Variants in SPPL2C observed in about 807,000 individuals in gnomAD.
The protein encoded by SPPL2C is signal peptide peptidase like 2C, also known as signal peptide peptidase-like 2C.
A neutral mutation model predicts 38.8 loss-of-function variants in SPPL2C; 33 were observed. That is an observed-to-expected ratio of 0.85 (90% confidence interval 0.64 to 1.14). The LOEUF is 1.14. Ranked by LOEUF, SPPL2C falls within the 50% of genes most tolerant of loss-of-function variation. The pLI is 0.00. For missense variants in SPPL2C, 899 were observed against 904.4 expected (o/e 0.99, Z 0.08); for synonymous variants, 384 against 390.7 (o/e 0.98, Z 0.20).
Position 45,845,635 on chromosome 17 carries a change from T to C in SPPL2C, c.729T>C (p.Asp243=), listed in dbSNP as rs1487200966. The part of the protein sequence containing the change: ...AAAAEGAQKE[D]NEDIPVDFTP... ...CAGCTGAGGGAGCCCAGAAGGAAGA[T>C]AATGAGGACATCCCAGTGGACTTCA... The change falls in exon 1 of 1, where the codon GAT becomes GAC. Residue 243 remains aspartate (D), a synonymous_variant. Transcript: ENST00000329196. 3 of 1,613,208 alleles carry C rather than the reference T, an allele frequency of 1.9e-6. No homozygotes were observed. The African/African-American group carries it at 4.0e-5, about 22-fold the overall frequency.
Position 45,845,952 on chromosome 17 carries a change from G to A in SPPL2C, c.1046G>A (p.Trp349Ter), listed in dbSNP as rs754511759. The part of the protein sequence containing the change: ...VAYRNEDRWA[W>*]LLQDTLGISY... ...TACCGCAATGAGGACCGCTGGGCGT[G>A]GCTCCTGCAGGACACACTGGGCATT... Residue 349 changes from tryptophan (W) to a stop codon, truncating the protein, a stop_gained, in exon 1 of 1, where the codon TGG becomes TAG. Coordinates refer to ENST00000329196, the MANE Select transcript of SPPL2C (RefSeq NM_175882.3). LOFTEE classifies it high-confidence loss of function. 1 of 1,610,666 alleles carries A rather than the reference G, an allele frequency of 6.2e-7. No individual in the cohort carries two copies. The highest frequency in any genetic ancestry group is 8.5e-7 in the Non-Finnish European group (1 of 1,180,010).
At position 45,845,998 on chromosome 17, in the gene SPPL2C, G is replaced by A. The variant is rs756494530; in HGVS notation, c.1092G>A (p.Leu364=). ...TLGISYCLFV[L]HRVRLPTLKN... ...GCATTTCCTACTGCCTGTTCGTCCT[G>A]CACCGTGTGCGGCTGCCCACTCTCA... is the stretch of plus-strand genomic sequence containing the variant. The change falls in exon 1 of 1, where the codon CTG becomes CTA. Residue 364 remains leucine, a synonymous_variant. Coordinates refer to ENST00000329196, the MANE Select transcript of SPPL2C (RefSeq NM_175882.3). The A allele has an allele frequency of 1.2e-6, 2 of 1,613,480 alleles. No individual in the cohort carries two copies. Among genetic ancestry groups the A allele is most frequent in the Non-Finnish European group, 1.7e-6 (2 of 1,180,022 alleles).
chr17:45,846,148 T>G lies in SPPL2C; in HGVS notation c.1242T>G (p.Ser414=). 6.2e-7 allele frequency: 1 copy of G among 1,614,208 alleles called. No individual in the cohort carries two copies. Among genetic ancestry groups the G allele is most frequent in the Admixed American group, 1.7e-5 (1 of 60,036 alleles). The change falls in exon 1 of 1, where the codon TCT becomes TCG. Residue 414 remains serine, a synonymous_variant. Transcript: ENST00000329196. ...AGGTTGCCTTGGGCCCTGCAGAGTC[T>G]TCAAGCCATGAGAGGCTGCCCATGG... ...MAQVALGPAE[S]SSHERLPMVL...
rs757777727 is a variant in SPPL2C at position 45,844,916 on chromosome 17, CTGGGCTTCCTCCTCCCCG to C, written c.26_43del (p.Pro9_Leu14del). The C allele has an allele frequency of 1.2e-5, 20 of 1,603,162 alleles. No homozygotes were observed. The highest frequency in any genetic ancestry group is 6.7e-5 in the East Asian group (3 of 44,626). On this transcript the variant is annotated inframe_deletion, in exon 1 of 1. Coordinates refer to ENST00000329196, the MANE Select transcript of SPPL2C (RefSeq NM_175882.3). ...GTAGGAACTGAAGAAGATGGCGTGC[CTGGGCTTCCTCCTCCCCG>C]TGGGCTTCCTCCTCCTCATCAGCAC... is the stretch of plus-strand genomic sequence containing the variant.
In SPPL2C at chr17:45,845,551, G is replaced by A. The variant is rs1436317086; in HGVS notation, c.645G>A (p.Arg215=). 1 of 1,601,362 alleles carries A rather than the reference G, an allele frequency of 6.2e-7. No homozygotes were observed. The highest frequency in any genetic ancestry group is 8.5e-7 in the Non-Finnish European group (1 of 1,174,840). Reference sequence around the variant, plus strand: ...TGACCGAAGCCAACCGGCTACAGCGGCGCCGTGCCCGAAGAGGAGGGGGGT... The same window carrying A: ...TGACCGAAGCCAACCGGCTACAGCGACGCCGTGCCCGAAGAGGAGGGGGGT... ...AGLTEANRLQ[R]RRARRGGGSG... The change falls in exon 1 of 1, where the codon CGG becomes CGA. Residue 215 remains arginine (R), a synonymous_variant. Transcript: ENST00000329196.
At position 45,846,984 on chromosome 17, in the gene SPPL2C, C is replaced by A. The variant is rs752275346; in HGVS notation, c.*23C>A. 4 of 1,521,292 alleles carry A rather than the reference C, an allele frequency of 2.6e-6. No homozygotes were observed. The South Asian group carries it at 5.0e-5, about 19-fold the overall frequency. 94.2% of individuals were successfully genotyped at this position (1,521,292 alleles called of 1,614,324 possible). A position where few individuals can be genotyped will look rare whatever the true frequency, so the allele number is the denominator to read the frequency against. On this transcript the variant is annotated 3_prime_UTR_variant, in exon 1 of 1. Transcript: ENST00000329196. ...TGAACTGGAGGCACTGGGACACACG[C>A]CTCTCAAAGGGCTGGTGGAACATTG...
Position 45,845,202 on chromosome 17 carries a change from G to A in SPPL2C, c.296G>A (p.Gly99Asp). ...CAGACCACTGCCATGGTCATGAGGG[G>A]TAACTGCAGCTTCCACACGAAAGGC... ...LRQTTAMVMR[G>D]NCSFHTKGWL... The change falls in exon 1 of 1, where the codon GGT becomes GAT. Residue 99 changes from glycine to aspartate, a missense_variant. Gly to Asp is a moderately conservative substitution (Grantham distance 94, BLOSUM62 -1). Coordinates refer to ENST00000329196, the MANE Select transcript of SPPL2C (RefSeq NM_175882.3). 1 of 1,613,842 alleles carries A rather than the reference G, an allele frequency of 6.2e-7. No homozygotes were observed. Among genetic ancestry groups the A allele is most frequent in the Non-Finnish European group, 8.5e-7 (1 of 1,179,886 alleles).
In SPPL2C at chr17:45,846,641, G is replaced by C; in HGVS notation, c.1735G>C (p.Asp579His). 1 of 1,614,250 alleles carries C rather than the reference G, an allele frequency of 6.2e-7. No homozygotes were observed. The highest frequency in any genetic ancestry group is 1.3e-5 in the African/African-American group (1 of 75,064). ...GGACTTAGACAGCAACCCTGGAGAA[G>C]ACACCACTGAGATTGTCACCATATC... ...AGDLDSNPGEDTTEIVTISEN... is the reference protein window; with the variant it reads ...AGDLDSNPGEHTTEIVTISEN... Residue 579 changes from aspartate to histidine, a missense_variant, in exon 1 of 1, where the codon GAC becomes CAC. Coordinates refer to ENST00000329196, the MANE Select transcript of SPPL2C (RefSeq NM_175882.3).
In SPPL2C at chr17:45,846,405, C is replaced by T. The variant is rs1420598668; in HGVS notation, c.1499C>T (p.Ala500Val). The T allele has an allele frequency of 6.2e-7, 1 of 1,613,288 alleles. No homozygotes were observed. The highest frequency in any genetic ancestry group is 1.3e-5 in the African/African-American group (1 of 74,936). ...GTCCTCATGCAGATGGGCCAACCTG[C>T]CTTGCTCTACCTAGTGTCCAGCACC... ...AMVLMQMGQP[A>V]LLYLVSSTLL... The change falls in exon 1 of 1, where the codon GCC (alanine) becomes GTC (valine). Residue 500 changes from alanine (A) to valine (V), a missense_variant. Physicochemically the swap from Ala to Val is moderately conservative, Grantham distance 64 (BLOSUM62 0). Transcript: ENST00000329196.
At position 45,846,588 on chromosome 17, in the gene SPPL2C, T is replaced by C; in HGVS notation, c.1682T>C (p.Leu561Pro). The C allele has an allele frequency of 2.5e-6, 4 of 1,613,848 alleles. No homozygotes were observed. The highest frequency in any genetic ancestry group is 3.4e-6 in the Non-Finnish European group (4 of 1,180,014). Residue 561 changes from leucine (L) to proline (P), a missense_variant, in exon 1 of 1, where the codon CTT (leucine) becomes CCT (proline). Transcript: ENST00000329196. ...GAADAHTASTLERGTSRGAGD... is the reference protein window; with the variant it reads ...GAADAHTASTPERGTSRGAGD... ...GCAGATGCCCACACAGCCAGCACAC[T>C]TGAGAGAGGCACCAGCCGAGGAGCA...
At position 45,846,090 on chromosome 17, in the gene SPPL2C, T is replaced by C. The variant is rs1305849294; in HGVS notation, c.1184T>C (p.Phe395Ser). Residue 395 changes from phenylalanine (F) to serine (S), a missense_variant, in exon 1 of 1, where the codon TTC becomes TCC. By Grantham distance (155) the Phe-to-Ser change is radical. Coordinates refer to ENST00000329196, the MANE Select transcript of SPPL2C (RefSeq NM_175882.3). ...GTCTTCTTTGTCTTCGTCACCCCCT[T>C]CTTCACCAAAACCGGTGAGAGCATC... Reference protein sequence around the residue: ...FDVFFVFVTPFFTKTGESIMA... With the variant: ...FDVFFVFVTPSFTKTGESIMA... The C allele has an allele frequency of 1.6e-5, 26 of 1,614,008 alleles. No individual in the cohort carries two copies. Among genetic ancestry groups the C allele is most frequent in the Non-Finnish European group, 2.2e-5 (26 of 1,180,020 alleles).
In SPPL2C at chr17:45,845,814, G is replaced by A. The variant is rs242944; in HGVS notation, c.908G>A (p.Arg303His). ...LYSCLSPLVC[R>H]LSLRQYQRPP... ...AGCTGCCTGTCACCCCTGGTGTGCC[G>A]CCTGTCCCTGCGGCAATACCAGAGG... The change falls in exon 1 of 1, where the codon CGC becomes CAC. Residue 303 changes from arginine (R) to histidine (H), a missense_variant. Arg to His is a conservative substitution (Grantham distance 29). Transcript: ENST00000329196. 937,449 of 1,607,550 alleles carry A rather than the reference G, an allele frequency of 0.58. 279,263 individuals are homozygous for A. Among genetic ancestry groups the A allele is most frequent in the East Asian group, 0.81 (36,142 of 44,868 alleles).
In SPPL2C at chr17:45,845,740, C is replaced by G. The variant is rs182389290; in HGVS notation, c.834C>G (p.Val278=). 4.6e-5 allele frequency: 74 copies of G among 1,613,352 alleles called. 1 individual carries two copies. In the African/African-American group the frequency reaches 7.1e-4, roughly 15 times the overall value. ...TCTACTTCTTCTATGACCACTTTGTCTATGTCACCATTGGGATCTTTGGCC... is the reference window on the plus strand; with the variant it reads ...TCTACTTCTTCTATGACCACTTTGTGTATGTCACCATTGGGATCTTTGGCC... ...LLLYFFYDHF[V]YVTIGIFGLG... The change falls in exon 1 of 1, where the codon GTC becomes GTG. Residue 278 remains valine, a synonymous_variant. Transcript: ENST00000329196.
chr17:45,846,849 G>A lies in SPPL2C; in HGVS notation c.1943G>A (p.Gly648Asp), dbSNP rs562603926. Residue 648 changes from glycine to aspartate, a missense_variant, in exon 1 of 1, where the codon GGC (glycine) becomes GAC (aspartate). Transcript: ENST00000329196. ...CTGATGCCCCCGCCCTCAGAGCTGG[G>A]CCATGTCCATGCCCAGGCCCAGGCC... is the stretch of plus-strand genomic sequence containing the variant. ...MPLMPPPSEL[G>D]HVHAQAQAHE... The A allele has an allele frequency of 7.4e-6, 12 of 1,613,684 alleles. No homozygotes were observed. The Admixed American group carries it at 1.2e-4, about 16-fold the overall frequency.
chr17:45,845,916 T>C lies in SPPL2C; in HGVS notation c.1010T>C (p.Phe337Ser), dbSNP rs2143336166. The change falls in exon 1 of 1, where the codon TTC (phenylalanine) becomes TCC (serine). Residue 337 changes from phenylalanine to serine, a missense_variant. Physicochemically the swap from Phe to Ser is radical, Grantham distance 155. Coordinates refer to ENST00000329196, the MANE Select transcript of SPPL2C (RefSeq NM_175882.3). The stretch of plus-strand genomic sequence containing the variant: ...AGCCTGTGCGCAACCGTGATCATCT[T>C]CTGGGTGGCCTACCGCAATGAGGAC... ...LASLCATVII[F>S]WVAYRNEDRW... is the part of the protein sequence containing the mutation. 2 of 1,607,804 alleles carry C rather than the reference T, an allele frequency of 1.2e-6. No homozygotes were observed. Among genetic ancestry groups the C allele is most frequent in the Non-Finnish European group, 1.7e-6 (2 of 1,179,998 alleles).
rs371084905 is a variant in SPPL2C, at chr17:45,845,330, C to G, written c.424C>G (p.Pro142Ala). ...CCTGGCACCCCAGGATCCCCGCCAG[C>G]CCCTGGCAGACCTCACCATCCCTGT... ...TTLAPQDPRQ[P>A]LADLTIPVAM... The change falls in exon 1 of 1, where the codon CCC becomes GCC. Residue 142 changes from proline (P) to alanine (A), a missense_variant. Physicochemically the swap from Pro to Ala is conservative, Grantham distance 27. Transcript: ENST00000329196. The G allele has an allele frequency of 6.2e-7, 1 of 1,614,082 alleles. No individual in the cohort carries two copies. The highest frequency in any genetic ancestry group is 8.5e-7 in the Non-Finnish European group (1 of 1,180,034).
rs920390012 is a variant in SPPL2C, at chr17:45,845,882, C to T, written c.976C>T (p.Leu326=). Residue 326 remains leucine, a synonymous_variant, in exon 1 of 1, where the codon CTG becomes TTG. Transcript: ENST00000329196. ...GGCCTCTCTGCCGCTGCCTCTGCTGCTGCTGGCGAGCCTGTGCGCAACCGT... is the reference window on the plus strand; with the variant it reads ...GGCCTCTCTGCCGCTGCCTCTGCTGTTGCTGGCGAGCCTGTGCGCAACCGT... ...LWASLPLPLL[L]LASLCATVII... 2 of 1,605,844 alleles carry T rather than the reference C, an allele frequency of 1.2e-6. No homozygotes were observed. The highest frequency in any genetic ancestry group is 2.7e-5 in the African/African-American group (2 of 74,940).
chr17:45,846,949 G>A lies in SPPL2C; in HGVS notation c.2043G>A (p.Gln681=), dbSNP rs1234905598. 6.4e-7 allele frequency: 1 copy of A among 1,564,496 alleles called. No individual in the cohort carries two copies. ...GLKVRKSMST[Q]APL Reference sequence around the variant, plus strand: ...AAGTAAGAAAGAGCATGTCGACCCAGGCTCCCTTGTGAACTGGAGGCACTG... The same window carrying A: ...AAGTAAGAAAGAGCATGTCGACCCAAGCTCCCTTGTGAACTGGAGGCACTG... The change falls in exon 1 of 1, where the codon CAG becomes CAA. Residue 681 remains glutamine (Q), a synonymous_variant. Transcript: ENST00000329196.
At position 45,845,858 on chromosome 17, in the gene SPPL2C, G is replaced by A; in HGVS notation, c.952G>A (p.Ala318Thr). Residue 318 changes from alanine (A) to threonine (T), a missense_variant, in exon 1 of 1, where the codon GCC becomes ACC. Transcript: ENST00000329196. ...CCAGAGGCCTCCGCACAGCCTCTGG[G>A]CCTCTCTGCCGCTGCCTCTGCTGCT... Reference protein sequence around the residue: ...QYQRPPHSLWASLPLPLLLLA... With the variant: ...QYQRPPHSLWTSLPLPLLLLA... The A allele has an allele frequency of 6.2e-7, 1 of 1,605,628 alleles. No homozygotes were observed. The highest frequency in any genetic ancestry group is 8.5e-7 in the Non-Finnish European group (1 of 1,179,976).
Sources: allele counts gnomAD v4.1 joint callset, GRCh38; gene constraint gnomAD v4.1.1; transcripts MANE v1.5; gene names NCBI Gene and HGNC (gene_info 2026-07-23, HGNC 2026-07-21).